Variants in ALDH1A2 observed in about 807,000 individuals in gnomAD.
ALDH1A2 encodes retinal dehydrogenase 2.
In ALDH1A2, 27 loss-of-function variants were observed where a neutral mutation model predicts 60.3. The observed-to-expected ratio is 0.45, with a 90% CI of 0.33 to 0.62. The LOEUF (loss-of-function observed/expected upper bound fraction) is 0.62. Ranked by LOEUF, ALDH1A2 falls within the 20% of genes least tolerant of loss-of-function variation. The pLI, the probability that ALDH1A2 is intolerant of heterozygous loss-of-function variation, is 0.02. For synonymous variants in ALDH1A2, 289 were observed against 232.4 expected (o/e 1.24, Z -2.21); for missense variants, 581 against 643.8 (o/e 0.90, Z 1.06).
chr15:58,005,122 A>G (rs946468052), intron 4 of ALDH1A2, among the ~76,000 whole-genome samples: 1 of 151,800 alleles, frequency 6.6e-6, no homozygotes, highest in Admixed American at 6.6e-5. Flanking sequence ...TTTTAGATCC[A>G]CTAACTCATG....
intron 1 of ALDH1A2, among the ~76,000 whole-genome samples, chr15:58,027,847 G>GA (rs1167391816): frequency 1.3e-5 from 2 of 151,968 alleles, no homozygotes; most frequent in Admixed American, 1.3e-4. Flanking sequence ...TAAGATTAGA[G>GA]AAAAAAGAGT....
intron 1 of ALDH1A2, among the ~76,000 whole-genome samples, chr15:58,022,222 T>C (rs1347234010): frequency 1.3e-5 from 2 of 152,082 alleles, no homozygotes; most frequent in East Asian, 3.9e-4. Context: ...ACAGAGCACA[T>C]AGATTGAGGT....
At chr15:58,058,041 A>T in intron 1 of ALDH1A2, 1 of 1,522,104 alleles carries the variant, frequency 6.6e-7, no homozygotes, top group Non-Finnish European at 8.8e-7. Context: ...GATTTTAACC[A>T]AACAGTCTCA....
intron 7 of ALDH1A2, among the ~76,000 whole-genome samples, chr15:57,979,506 G>C (rs1894404044): frequency 6.6e-6 from 1 of 152,112 alleles, no homozygotes; most frequent in Admixed American, 6.5e-5. Context: ...ATATGGCCTT[G>C]ACCCCTTCTC....
intron 4 of ALDH1A2, among the ~76,000 whole-genome samples, chr15:57,995,895 A>C (rs1425635231): frequency 2.0e-5 from 3 of 152,172 alleles, no homozygotes; most frequent in Non-Finnish European, 2.9e-5. Context: ...CATCTTTAGG[A>C]AAATGTCATT....
At chr15:58,001,963 C>T (rs1424741780) in intron 4 of ALDH1A2, among the ~76,000 whole-genome samples, 2 of 151,850 alleles carry the variant, frequency 1.3e-5, no homozygotes, top group Admixed American at 6.6e-5. Context: ...AAAACAAATA[C>T]TAAGTCACAC....
At chr15:58,010,586 T>C (rs1221379337) in intron 4 of ALDH1A2, 63 bp downstream of exon 4, 1 of 1,600,880 alleles carries the variant, frequency 6.2e-7, no homozygotes, top group African/African-American at 1.3e-5. Context: ...TTGTGTTTGG[T>C]GGCCAAAGCG....
chr15:57,963,990 G>T lies in ALDH1A2; in HGVS notation c.981C>A (p.Phe327Leu). Residue 327 changes from phenylalanine to leucine, a missense_variant, in exon 9 of 13, where the codon TTC (phenylalanine) becomes TTA (leucine). Physicochemically the swap from Phe to Leu is conservative, Grantham distance 22. Transcript: ENST00000249750. ...ACTCCTCATAGATGGACTCCTCCAC[G>T]AAGATGCGAGAGCCTGCAGTGCAGC... Reference protein sequence around the residue: ...GQCCTAGSRIFVEESIYEEFV... With the variant: ...GQCCTAGSRILVEESIYEEFV... 4.3e-6 allele frequency: 7 copies of T among 1,614,148 alleles called. No individual in the cohort carries two copies. Among genetic ancestry groups the T allele is most frequent in the Non-Finnish European group, 5.9e-6 (7 of 1,180,010 alleles).
At chr15:57,981,289 AACACACACACAC>A (rs775138747) in intron 7 of ALDH1A2, among the ~76,000 whole-genome samples, 293 of 142,136 alleles carry the variant, frequency 2.1e-3, no homozygotes, top group African/African-American at 6.0e-3. Flanking sequence ...TAGAAGAGCA[AACACACACACAC>A]ACACACACAC....
At chr15:58,003,289 G>A (rs1895337271) in intron 4 of ALDH1A2, among the ~76,000 whole-genome samples, 1 of 151,830 alleles carries the variant, frequency 6.6e-6, no homozygotes, top group South Asian at 2.1e-4. Context: ...TAGGTGGGCA[G>A]AGCAAATCAC....
intron 1 of ALDH1A2, among the ~76,000 whole-genome samples, chr15:58,014,955 T>C (rs1023675380): frequency 2.6e-5 from 4 of 152,136 alleles, no homozygotes; most frequent in African/African-American, 9.7e-5. Flanking sequence ...ATGTATGAAA[T>C]TGAGATTAAA....
At chr15:57,992,887 C>CT in intron 6 of ALDH1A2, 58 bp downstream of exon 6, 1 of 1,613,790 alleles carries the variant, frequency 6.2e-7, no homozygotes, top group Non-Finnish European at 8.5e-7. Context: ...GAGATATGCT[C>CT]TAGTAGGCTC....
intron 1 of ALDH1A2, among the ~76,000 whole-genome samples, chr15:58,057,737 A>C (rs1896932852): frequency 6.6e-6 from 1 of 152,134 alleles, no homozygotes; most frequent in African/African-American, 2.4e-5. Context: ...CTCCACACCC[A>C]AATGGGAATC....
At chr15:58,016,626 G>C (rs1566949977) in intron 1 of ALDH1A2, among the ~76,000 whole-genome samples, 1 of 151,964 alleles carries the variant, frequency 6.6e-6, no homozygotes, top group Non-Finnish European at 1.5e-5. Flanking sequence ...ATGCATTATA[G>C]GATCTAAGAT....
chr15:58,058,286 G>C (rs1371428546), intron 1 of ALDH1A2, among the ~76,000 whole-genome samples: 2 of 151,936 alleles, frequency 1.3e-5, no homozygotes, highest in Non-Finnish European at 2.9e-5. Flanking sequence ...GGGAAAAGGG[G>C]AAGTAGGTTA....
intron 4 of ALDH1A2, among the ~76,000 whole-genome samples, chr15:58,000,645 G>T (rs1011063249): frequency 3.3e-5 from 5 of 151,846 alleles, no homozygotes; most frequent in Non-Finnish European, 5.9e-5. Flanking sequence ...AAGTTTACTT[G>T]CTTACTGTAT....
intron 5 of ALDH1A2, among the ~76,000 whole-genome samples, chr15:57,994,549 A>G (rs1455294623): frequency 6.6e-6 from 1 of 152,142 alleles, no homozygotes; most frequent in Non-Finnish European, 1.5e-5. Flanking sequence ...CCAAACACTA[A>G]GCACTACATC....
At chr15:58,014,995 T>C (rs1429499338) in intron 1 of ALDH1A2, among the ~76,000 whole-genome samples, 5 of 152,212 alleles carry the variant, frequency 3.3e-5, no homozygotes, top group African/African-American at 4.8e-5. Flanking sequence ...TTTGGGAAAT[T>C]ATTCAAGTCA....
rs200758020 is a variant in ALDH1A2 at position 57,960,754 on chromosome 15, C to G, written c.1484+16G>C. ...CAATCTATTTCTCTGCAGGCATCAGCAACTTTAAGACTTACATTTCTCTCC... is the reference window on the plus strand; with the variant it reads ...CAATCTATTTCTCTGCAGGCATCAGGAACTTTAAGACTTACATTTCTCTCC... On this transcript the variant is annotated intron_variant, in intron 12 of 12. Coordinates refer to ENST00000249750, the MANE Select transcript of ALDH1A2 (RefSeq NM_003888.4). The G allele has an allele frequency of 1.9e-6, 3 of 1,611,116 alleles. No individual in the cohort carries two copies. The highest frequency in any genetic ancestry group is 2.5e-6 in the Non-Finnish European group (3 of 1,177,360).
Sources: allele counts gnomAD v4.1 joint callset (sites outside exome capture counted in the v4.1 genomes callset), GRCh38; gene constraint gnomAD v4.1.1; transcripts MANE v1.5; gene names NCBI Gene and HGNC (gene_info 2026-07-23, HGNC 2026-07-21).